DOCK9: variants seen among roughly 807,000 people sequenced by gnomAD.
DOCK9 encodes dedicator of cytokinesis protein 9.
Under a neutral mutation model 263.3 loss-of-function variants are expected in DOCK9, and 89 were observed. That is an observed-to-expected ratio of 0.34 (90% CI 0.28 to 0.40). DOCK9 has a LOEUF of 0.40. Ranked by LOEUF, DOCK9 falls within the 10% of genes least tolerant of loss-of-function variation. DOCK9 has a pLI of 1.00. For synonymous variants in DOCK9, 976 were observed against 973.1 expected, an observed-to-expected ratio of 1.00 and a Z score of -0.06; for missense variants, 2,140 against 2,603.4, an observed-to-expected ratio of 0.82 and a Z score of 3.87.
chr13:98,831,561 AC>A (rs1487951070), intron 40 of DOCK9, 31 bp from the exon 41 acceptor site: 7 of 1,588,130 alleles, frequency 4.4e-6, no homozygotes, highest in Non-Finnish European at 6.0e-6. Flanking sequence ...CAGCAGATAA[AC>A]CACAGACAGG....
rs2093701048 is a variant in DOCK9, at chr13:98,856,136, G to C, written c.3698-105C>G. Reference sequence around the variant, plus strand: ...TGCTTTTATTGCACTTATTTTTTCTGTTAGGAAGTTGGCTCAAGAGTTGCA... The same window carrying C: ...TGCTTTTATTGCACTTATTTTTTCTCTTAGGAAGTTGGCTCAAGAGTTGCA... On this transcript the variant is annotated intron_variant, in intron 33 of 52. Coordinates refer to ENST00000682017, the MANE Select transcript of DOCK9 (RefSeq NM_001366683.2). 6.5e-6 allele frequency: 8 copies of C among 1,239,666 alleles called. No homozygotes were observed. In the South Asian group the frequency reaches 1.2e-4, roughly 19 times the overall value. 76.8% of individuals were successfully genotyped at this position (1,239,666 alleles called of 1,614,324 possible).
At chr13:98,960,505 C>A (rs1311702459) in intron 1 of DOCK9, among the ~76,000 whole-genome samples, 1 of 152,202 alleles carries the variant, frequency 6.6e-6, no homozygotes, top group Non-Finnish European at 1.5e-5. Flanking sequence ...AACATTCATT[C>A]CTCAGGCTTC....
Position 98,901,811 on chromosome 13 carries a change from A to G in DOCK9, c.1470T>C (p.Ala490=). The part of the protein sequence containing the change: ...KVLQGSITHC[A]EPYMKSSDSS... ...AGTCTGAACTTTTCATATATGGCTC[A>G]GCGCAATGTGTGATGCTCCCCTGAA... is the stretch of plus-strand genomic sequence containing the variant. The change falls in exon 13 of 53, where the codon GCT becomes GCC. Residue 490 remains alanine (A), a synonymous_variant. Coordinates refer to ENST00000682017, the MANE Select transcript of DOCK9 (RefSeq NM_001366683.2). The G allele has an allele frequency of 1.2e-6, 2 of 1,612,804 alleles. No individual in the cohort carries two copies. The highest frequency in any genetic ancestry group is 1.7e-6 in the Non-Finnish European group (2 of 1,179,364).
chr13:99,007,472 G>A (rs935879330), intron 1 of DOCK9, among the ~76,000 whole-genome samples: 18 of 151,742 alleles, frequency 1.2e-4, no homozygotes, highest in African/African-American at 4.3e-4. Context: ...TAAGGCCATG[G>A]GAGAAATAGA....
At chr13:99,008,234 A>ATATATTTT (rs1233268084) in intron 1 of DOCK9, among the ~76,000 whole-genome samples, 36 of 94,036 alleles carry the variant, frequency 3.8e-4, no homozygotes, top group East Asian at 2.0e-3. Flanking sequence ...ATATATATAT[A>ATATATTTT]TTTTTTTTTT....
At chr13:98,922,663 C>A (rs1487523406) in intron 5 of DOCK9, among the ~76,000 whole-genome samples, 2 of 152,206 alleles carry the variant, frequency 1.3e-5, no homozygotes, top group African/African-American at 4.8e-5. Flanking sequence ...GCTACATGCA[C>A]ATTGCTTAAT....
At chr13:98,961,030 G>A (rs957756652) in intron 1 of DOCK9, among the ~76,000 whole-genome samples, 4 of 152,202 alleles carry the variant, frequency 2.6e-5, no homozygotes, top group Non-Finnish European at 5.9e-5. Flanking sequence ...GTGGAACTGA[G>A]TTGAAGCAGC....
intron 49 of DOCK9, among the ~76,000 whole-genome samples, chr13:98,801,209 C>T (rs1008837581): frequency 7.2e-5 from 11 of 152,142 alleles, no homozygotes; most frequent in African/African-American, 2.4e-4. Context: ...GGCTTGAGCC[C>T]AGGAGGTCAA....
intron 9 of DOCK9, among the ~76,000 whole-genome samples, chr13:98,912,849 A>G (rs1411780587): frequency 2.6e-5 from 4 of 152,176 alleles, no homozygotes; most frequent in African/African-American, 7.2e-5. Flanking sequence ...GGCATCACAT[A>G]TATTACCTGC....
Position 98,794,456 on chromosome 13 carries a change from T to C in DOCK9, c.*170A>G. On this transcript the variant is annotated 3_prime_UTR_variant, in exon 53 of 53. Transcript: ENST00000682017. The stretch of plus-strand genomic sequence containing the variant: ...GATTTAAAAAAATATGTGCACCTTC[T>C]TACAACTCCTATAGAAAGTCTGTTA... The C allele has an allele frequency of 2.8e-6, 2 of 713,470 alleles. No homozygotes were observed. The highest frequency in any genetic ancestry group is 4.5e-6 in the Non-Finnish European group (2 of 446,488). The allele number at this position is 713,470 out of a possible 1,614,324, so 44.2% of individuals were successfully genotyped here.
At chr13:98,800,727 T>C (rs1182716879) in intron 49 of DOCK9, among the ~76,000 whole-genome samples, 3 of 152,172 alleles carry the variant, frequency 2.0e-5, no homozygotes, top group African/African-American at 4.8e-5. Context: ...GACAAGCGTG[T>C]CTTTAAATAA....
At chr13:98,826,912 G>T (rs2092564633) in intron 43 of DOCK9, 25 bp from the exon 44 acceptor site, 24 of 1,586,864 alleles carry the variant, frequency 1.5e-5, no homozygotes, top group Non-Finnish European at 2.1e-5. Flanking sequence ...ACATGCCTCA[G>T]AATCATCATT....
At chr13:98,832,977 G>A (rs2092823856) in intron 39 of DOCK9, 1 of 152,140 alleles carries the variant, frequency 6.6e-6, no homozygotes, top group South Asian at 2.1e-4. Context: ...TCCTCAAGGA[G>A]TAAGTTTTTG....
At chr13:99,075,890 T>C (rs2041890577) in intron 1 of DOCK9, among the ~76,000 whole-genome samples, 1 of 126,612 alleles carries the variant, frequency 7.9e-6, no homozygotes, top group Non-Finnish European at 1.7e-5. Flanking sequence ...TGCTTTCAGA[T>C]TCACTTTCAG....
chr13:98,954,416 G>A (rs768857795), intron 2 of DOCK9, among the ~76,000 whole-genome samples: 4 of 152,134 alleles, frequency 2.6e-5, no homozygotes, highest in African/African-American at 4.8e-5. Flanking sequence ...AAGGTGGCTC[G>A]CTGCAAGGCA....
intron 27 of DOCK9, among the ~76,000 whole-genome samples, chr13:98,874,974 G>A (rs556806193): frequency 2.2e-4 from 33 of 152,042 alleles, no homozygotes; most frequent in African/African-American, 7.7e-4. Context: ...CTGCCCCAGC[G>A]GCCTTACCTG....
chr13:98,927,865 C>T (rs1006606704), intron 3 of DOCK9, among the ~76,000 whole-genome samples: 2 of 151,962 alleles, frequency 1.3e-5, no homozygotes, highest in East Asian at 1.9e-4. Flanking sequence ...GTGATCCACC[C>T]GCCTCGGCCT....
intron 27 of DOCK9, among the ~76,000 whole-genome samples, chr13:98,873,846 G>C (rs1214135119): frequency 6.6e-6 from 1 of 152,184 alleles, no homozygotes; most frequent in African/African-American, 2.4e-5. Flanking sequence ...ACAGCCCTAA[G>C]CATATGACAT....
chr13:98,883,211 G>T, intron 22 of DOCK9, 80 bp from the exon 23 acceptor site: 1 of 1,268,718 alleles, frequency 7.9e-7, no homozygotes, highest in Non-Finnish European at 1.1e-6. Context: ...GTTTCTTGCA[G>T]CATGCTTTTT....
Sources: allele counts gnomAD v4.1 joint callset (sites outside exome capture counted in the v4.1 genomes callset), GRCh38; gene constraint gnomAD v4.1.1; transcripts MANE v1.5; gene names NCBI Gene and HGNC (gene_info 2026-07-23, HGNC 2026-07-21).